Variants in CRMP1 observed in about 807,000 individuals in gnomAD.
CRMP1 encodes collapsin response mediator protein 1.
Under a neutral mutation model 68.3 loss-of-function variants are expected in CRMP1, and 19 were observed. The observed-to-expected ratio is 0.28, with a 90% CI of 0.19 to 0.41. The LOEUF is 0.41. Among genes scored for constraint, CRMP1 ranks in the 10% least tolerant of loss-of-function variants. CRMP1 has a pLI of 1.00. For missense variants in CRMP1, 791 were observed against 967.4 expected (o/e 0.82, Z 2.42); for synonymous variants, 439 against 399.6 (o/e 1.10, Z -1.18).
Position 5,892,903 on chromosome 4 carries a change from T to A in CRMP1, c.67A>T (p.Ser23Cys). The A allele has an allele frequency of 7.3e-7, 1 of 1,369,308 alleles. No individual in the cohort carries two copies. Among genetic ancestry groups the A allele is most frequent in the Non-Finnish European group, 9.5e-7 (1 of 1,054,760 alleles). 84.8% of individuals were successfully genotyped at this position (1,369,308 alleles called of 1,614,324 possible). A position where few individuals can be genotyped will look rare whatever the true frequency, so the allele number is the denominator to read the frequency against. ...DLPVYLARPG[S>C]AAQTPRQKYG... ...TTCTGGCGCGGGGTCTGCGCCGCGC[T>A]GCCCGGCCGCGCCAGGTACACGGGC... Residue 23 changes from serine (S) to cysteine (C), a missense_variant, in exon 1 of 14, where the codon AGC becomes TGC. Ser to Cys is a moderately radical substitution (Grantham distance 112). Around this residue, in one of 3 missense-constraint regions of CRMP1, gnomAD observed 193 missense variants for 186.3 expected, o/e 1.04. Coordinates refer to ENST00000324989, the MANE Select transcript of CRMP1 (RefSeq NM_001014809.3). This position sits in a 1 kb window ranked among gnomAD's most constrained non-coding sequence, Gnocchi z 8.6.
intron 2 of CRMP1, among the ~76,000 whole-genome samples, chr4:5,864,943 G>C (rs991504781): frequency 8.4e-6 from 1 of 118,798 alleles, no homozygotes; most frequent in Non-Finnish European, 1.7e-5. Context: ...TCTGGGACTA[G>C]AATTGGGGGG....
At chr4:5,873,012 C>G (rs989287899) in intron 1 of CRMP1, among the ~76,000 whole-genome samples, 1 of 152,194 alleles carries the variant, frequency 6.6e-6, no homozygotes, top group African/African-American at 2.4e-5. Context: ...TCAGCCCAGG[C>G]CTGGCAGGTG....
intron 6 of CRMP1, among the ~76,000 whole-genome samples, chr4:5,846,770 T>C (rs1712245684): frequency 9.5e-6 from 1 of 104,904 alleles, no homozygotes; most frequent in Non-Finnish European, 2.1e-5. Context: ...TTTTTTTTTT[T>C]TTTTTTTTTT....
At position 5,849,548 on chromosome 4, in the gene CRMP1, C is replaced by A. The variant is rs1270781916; in HGVS notation, c.883-76G>T. Reference sequence around the variant, plus strand: ...TCACAGCGTGTGCATTCATGAAGACCGTTCCGATCACACCCATTCGGTCAT... The same window carrying A: ...TCACAGCGTGTGCATTCATGAAGACAGTTCCGATCACACCCATTCGGTCAT... On this transcript the variant is annotated intron_variant, in intron 5 of 13. Coordinates refer to ENST00000324989, the MANE Select transcript of CRMP1 (RefSeq NM_001014809.3). 7.0e-6 allele frequency: 7 copies of A among 994,408 alleles called. No homozygotes were observed. In the Admixed American group the frequency reaches 8.2e-5, roughly 12 times the overall value. The allele number at this position is 994,408 out of a possible 1,614,324, so 61.6% of individuals were successfully genotyped here.
rs1203757650 is a variant in CRMP1, at chr4:5,821,323, A to C, written c.*437T>G. 1.2e-5 allele frequency: 2 copies of C among 161,678 alleles called. No individual in the cohort carries two copies. The highest frequency in any genetic ancestry group is 4.8e-5 in the African/African-American group (2 of 42,062). The allele number at this position is 161,678 out of a possible 1,614,324, so 10.0% of individuals were successfully genotyped here. A position where few individuals can be genotyped will look rare whatever the true frequency, so the allele number is the denominator to read the frequency against. On this transcript the variant is annotated 3_prime_UTR_variant, in exon 14 of 14. Coordinates refer to ENST00000324989, the MANE Select transcript of CRMP1 (RefSeq NM_001014809.3). This position sits in a 1 kb window ranked among gnomAD's most constrained non-coding sequence, Gnocchi z 4.4. ...GCTTGAGGTCTCGGCATCGTGTCTCAGTCAGTCCTTGGCGATGTCCCCTCA... is the reference window on the plus strand; with the variant it reads ...GCTTGAGGTCTCGGCATCGTGTCTCCGTCAGTCCTTGGCGATGTCCCCTCA...
chr4:5,836,926 G>GT lies in CRMP1; in HGVS notation c.1311-21dup. On this transcript the variant is annotated intron_variant, in intron 9 of 13. Coordinates refer to ENST00000324989, the MANE Select transcript of CRMP1 (RefSeq NM_001014809.3). ...TCCCCACTGGCAAGGACAAAACAAG[G>GT]TAGAGTTCAGACCCTAGTTCATTTT... 6.3e-7 allele frequency: 1 copy of GT among 1,596,890 alleles called. No homozygotes were observed. Among genetic ancestry groups the GT allele is most frequent in the South Asian group, 1.1e-5 (1 of 87,820 alleles).
intron 1 of CRMP1, among the ~76,000 whole-genome samples, chr4:5,884,075 T>C (rs1715401852): frequency 6.6e-6 from 1 of 152,224 alleles, no homozygotes; most frequent in Non-Finnish European, 1.5e-5. Flanking sequence ...TGACTAATCA[T>C]GGCCACTCCA....
intron 9 of CRMP1, among the ~76,000 whole-genome samples, chr4:5,837,650 T>TAAAATAATAAAATAAAATAAAATAAAATA (rs1553903977): frequency 1.5e-5 from 2 of 134,822 alleles, no homozygotes; most frequent in Non-Finnish European, 3.1e-5. Context: ...TAAAATAAAA[T>TAAAATAATAAAATAAAATAAAATAAAATA]AATAAAATAA....
intron 1 of CRMP1, among the ~76,000 whole-genome samples, chr4:5,880,670 C>T (rs183785675): frequency 6.6e-6 from 1 of 152,256 alleles, no homozygotes; most frequent in Non-Finnish European, 1.5e-5. Context: ...GCCCTCTCCC[C>T]ATTGTCAAAG....
rs540213633 is a variant in CRMP1, at chr4:5,853,023, C to T, written c.821-1554G>A. On this transcript the variant is annotated intron_variant, in intron 4 of 13. Transcript: ENST00000324989. This position sits in a 1 kb window ranked among gnomAD's most constrained non-coding sequence, Gnocchi z 4.7. Reference sequence around the variant, plus strand: ...GCCCCAGGAACTGGAACAAGCCAGTCTGGAGGAGCAGGCGCATCCTGATGA... The same window carrying T: ...GCCCCAGGAACTGGAACAAGCCAGTTTGGAGGAGCAGGCGCATCCTGATGA... Among the ~76,000 whole-genome samples, 2 of 152,296 alleles carry T rather than the reference C, an allele frequency of 1.3e-5. No individual in the cohort carries two copies. Among genetic ancestry groups the T allele is most frequent in the South Asian group, 2.1e-4 (1 of 4,826 alleles).
At chr4:5,849,357 C>A in intron 6 of CRMP1, 35 bp downstream of exon 6, 1 of 1,529,840 alleles carries the variant, frequency 6.5e-7, no homozygotes, top group South Asian at 1.1e-5. Context: ...GAGAATCAGA[C>A]TGAGGTAGAA....
At chr4:5,827,809 G>GGGGAT (rs1205880981) in intron 12 of CRMP1, among the ~76,000 whole-genome samples, 1 of 152,158 alleles carries the variant, frequency 6.6e-6, no homozygotes, top group African/African-American at 2.4e-5. Flanking sequence ...CAGCTGCCAT[G>GGGGAT]GGGATGGGAG....
rs565411918 is a variant in CRMP1 at position 5,857,099 on chromosome 4, TCAC to T, written c.656-795_656-793del. Among the ~76,000 whole-genome samples the T allele has an allele frequency of 4.9e-4, 49 of 99,304 alleles. No homozygotes were observed. In the East Asian group the frequency reaches 7.1e-3, roughly 14 times the overall value. 65.1% of individuals were successfully genotyped at this position (99,304 alleles called of 152,430 possible). ...ACCACCACCACCATTATCACTAACA[TCAC>T]CACCACCACCACAATCATCACCATC... On this transcript the variant is annotated intron_variant, in intron 3 of 13. Transcript: ENST00000324989.
chr4:5,886,776 T>C (rs1383003446), intron 1 of CRMP1, among the ~76,000 whole-genome samples: 1 of 152,232 alleles, frequency 6.6e-6, no homozygotes, highest in Non-Finnish European at 1.5e-5. Flanking sequence ...CTTGTTCAAA[T>C]ATCACCTGCC....
rs775989226 is a variant in CRMP1, at chr4:5,850,794, A to G, written c.882+614T>C. ...AAACTGACAATGAAACAAAACTAGG[A>G]GACCCAGTAGTATAAGAAGGCCAGG... is the stretch of plus-strand genomic sequence containing the variant. On this transcript the variant is annotated intron_variant, in intron 5 of 13. Transcript: ENST00000324989. This position sits in a 1 kb window ranked among gnomAD's most constrained non-coding sequence, Gnocchi z 4.4. Among the ~76,000 whole-genome samples the G allele has an allele frequency of 6.6e-6, 1 of 152,216 alleles. No individual in the cohort carries two copies. The highest frequency in any genetic ancestry group is 1.5e-5 in the Non-Finnish European group (1 of 68,042).
In CRMP1 at chr4:5,834,152, T is replaced by C. The variant is rs1720569963; in HGVS notation, c.1623+1763A>G. 6.6e-6 allele frequency among the ~76,000 whole-genome samples: 1 copy of C among 152,248 alleles called. No homozygotes were observed. The highest frequency in any genetic ancestry group is 6.5e-5 in the Admixed American group (1 of 15,284). ...TGACACAGACATTCACGTTCCTTTC[T>C]AGATAAGGATCACCTTGTGAAGCAA... On this transcript the variant is annotated intron_variant, in intron 11 of 13. Transcript: ENST00000324989. The surrounding 1 kb of genome is among the most constrained non-coding windows in gnomAD (Gnocchi z 4.3).
intron 8 of CRMP1, among the ~76,000 whole-genome samples, chr4:5,840,679 T>C (rs535986829): frequency 1.3e-5 from 2 of 152,364 alleles, no homozygotes; most frequent in African/African-American, 4.8e-5. Flanking sequence ...GTGTGGTTAG[T>C]GGCTACCTTA....
intron 4 of CRMP1, 41 bp from the exon 5 acceptor site, chr4:5,851,510 A>G (rs1712617243): frequency 2.5e-6 from 4 of 1,575,826 alleles, no homozygotes; most frequent in Admixed American, 1.7e-5. Flanking sequence ...TGTTTAAGAA[A>G]AAACAGAAGC....
chr4:5,842,163 G>T lies in CRMP1; in HGVS notation c.1033-735C>A, dbSNP rs1054504064. Among the ~76,000 whole-genome samples, 2 of 151,806 alleles carry T rather than the reference G, an allele frequency of 1.3e-5. No individual in the cohort carries two copies. The highest frequency in any genetic ancestry group is 4.8e-5 in the African/African-American group (2 of 41,312). ...TGAGGCAGGAGAATGGTGTGAACCCGGGAGGCAGAGCTTGCAGTGAGCCAA... is the reference window on the plus strand; with the variant it reads ...TGAGGCAGGAGAATGGTGTGAACCCTGGAGGCAGAGCTTGCAGTGAGCCAA... On this transcript the variant is annotated intron_variant, in intron 7 of 13. Transcript: ENST00000324989. This position sits in a 1 kb window ranked among gnomAD's most constrained non-coding sequence, Gnocchi z 4.5.
Sources: allele counts gnomAD v4.1 joint callset (sites outside exome capture counted in the v4.1 genomes callset), GRCh38; gene constraint gnomAD v4.1.1; regional missense constraint gnomAD v4.1.1; non-coding constraint Gnocchi (gnomAD v3.1); transcripts MANE v1.5; gene names NCBI Gene and HGNC (gene_info 2026-07-23, HGNC 2026-07-21).